The following MYRIP variants were observed in gnomAD, a reference collection of about 807,000 sequenced individuals.
The protein encoded by MYRIP is myosin VIIA and Rab interacting protein.
MYRIP carries 49 observed loss-of-function variants against 98.0 expected under a neutral mutation model. The observed-to-expected ratio is 0.50, with a 90% CI of 0.40 to 0.63. MYRIP has a LOEUF of 0.63. MYRIP is among the 30% of genes least tolerant of loss of function. The pLI is 0.00. For synonymous variants in MYRIP, 404 were observed against 409.5 expected (o/e 0.99, Z 0.16); for missense variants, 1,004 against 1,058.2 (o/e 0.95, Z 0.71).
intron 3 of MYRIP, among the ~76,000 whole-genome samples, chr3:40,076,079 C>T (rs1948337501): frequency 6.6e-6 from 1 of 152,078 alleles, no homozygotes; most frequent in Non-Finnish European, 1.5e-5. Context: ...GTGGTGCATG[C>T]CTGTAGTCCC....
At chr3:40,136,833 A>G (rs1949786664) in intron 3 of MYRIP, among the ~76,000 whole-genome samples, 1 of 152,224 alleles carries the variant, frequency 6.6e-6, no homozygotes, top group Admixed American at 6.5e-5. Context: ...CTTTGAAACC[A>G]ACAAGAACAA....
intron 3 of MYRIP, among the ~76,000 whole-genome samples, chr3:40,126,109 C>T (rs1286356644): frequency 6.6e-6 from 1 of 152,210 alleles, no homozygotes; most frequent in Non-Finnish European, 1.5e-5. Context: ...ACTACCTTCT[C>T]ATGGGCTCTT....
chr3:40,163,208 T>C (rs1575588567), intron 5 of MYRIP, among the ~76,000 whole-genome samples: 1 of 152,354 alleles, frequency 6.6e-6, no homozygotes, highest in South Asian at 2.1e-4. Flanking sequence ...GAGCAGTGGT[T>C]AAAAGCAAAA....
intron 8 of MYRIP, among the ~76,000 whole-genome samples, chr3:40,179,833 C>T (rs1186040787): frequency 2.0e-5 from 3 of 152,186 alleles, no homozygotes; most frequent in Non-Finnish European, 4.4e-5. Context: ...GGAGGAGCAA[C>T]CTAGCCAATC....
chr3:40,118,468 G>T (rs751587118), intron 3 of MYRIP, among the ~76,000 whole-genome samples: 29 of 152,042 alleles, frequency 1.9e-4, no homozygotes, highest in Non-Finnish European at 3.1e-4. Context: ...TAGGGCACAG[G>T]TTAAATTAAT....
chr3:39,938,444 A>G (rs762300852), intron 2 of MYRIP, among the ~76,000 whole-genome samples: 1 of 152,068 alleles, frequency 6.6e-6, no homozygotes, highest in Non-Finnish European at 1.5e-5. Flanking sequence ...TGAGCATTCT[A>G]TATTCTTATG....
chr3:40,209,936 G>A lies in MYRIP; in HGVS notation c.1748G>A (p.Arg583Gln), dbSNP rs1003941830. 8.7e-6 allele frequency: 14 copies of A among 1,613,904 alleles called. No homozygotes were observed. The highest frequency in any genetic ancestry group is 1.6e-4 in the Middle Eastern group (1 of 6,082). ...CTCACAGACACCACAGAGGAGAAAC[G>A]GAGAAACAGGCTGTACGAGTTAGCA... Reference protein sequence around the residue: ...QTLTDTTEEKRRNRLYELAMK... With the variant: ...QTLTDTTEEKQRNRLYELAMK... The change falls in exon 11 of 17, where the codon CGG becomes CAG. Residue 583 changes from arginine (R) to glutamine (Q), a missense_variant. Transcript: ENST00000302541.
intron 1 of MYRIP, among the ~76,000 whole-genome samples, chr3:39,857,378 C>T (rs907094889): frequency 9.9e-5 from 15 of 151,946 alleles, no homozygotes; most frequent in African/African-American, 2.7e-4. Context: ...ATTAAGAAAA[C>T]AATACATGAA....
chr3:40,184,717 T>C (rs1010409979), intron 9 of MYRIP, among the ~76,000 whole-genome samples: 4 of 152,220 alleles, frequency 2.6e-5, no homozygotes, highest in African/African-American at 9.6e-5. Context: ...ATTATGAGCA[T>C]TCATAATAAA....
intron 3 of MYRIP, among the ~76,000 whole-genome samples, chr3:40,085,294 T>C (rs961941698): frequency 1.3e-5 from 2 of 152,128 alleles, no homozygotes; most frequent in Non-Finnish European, 2.9e-5. Flanking sequence ...TATATTTCGT[T>C]TTCTTTTTTT....
chr3:40,162,845 G>A (rs1362726879), intron 5 of MYRIP, 35 bp downstream of exon 5: 3 of 1,592,164 alleles, frequency 1.9e-6, no homozygotes, highest in Non-Finnish European at 8.6e-7. Flanking sequence ...CTACTGGGAA[G>A]TTGGAGTAAT....
chr3:39,924,775 A>T (rs1944380991), intron 2 of MYRIP, among the ~76,000 whole-genome samples: 1 of 152,102 alleles, frequency 6.6e-6, no homozygotes, highest in Non-Finnish European at 1.5e-5. Context: ...TGTTCTCTAC[A>T]ATATAATCAA....
chr3:39,889,996 T>A (rs909009120), intron 1 of MYRIP, among the ~76,000 whole-genome samples: 10 of 152,130 alleles, frequency 6.6e-5, no homozygotes, highest in Admixed American at 2.0e-4. Context: ...AAATTTTTTT[T>A]AAAAATCAGT....
At chr3:40,078,782 T>C (rs1004428431) in intron 3 of MYRIP, among the ~76,000 whole-genome samples, 8 of 152,294 alleles carry the variant, frequency 5.3e-5, no homozygotes, top group East Asian at 1.9e-4. Flanking sequence ...CTGCCAAGAA[T>C]TGGCTTGTGC....
At chr3:40,045,345 A>C (rs1947648582) in intron 3 of MYRIP, among the ~76,000 whole-genome samples, 1 of 152,138 alleles carries the variant, frequency 6.6e-6, no homozygotes. Context: ...GTGGTATGTT[A>C]AGCACCCAGT....
intron 10 of MYRIP, among the ~76,000 whole-genome samples, chr3:40,205,375 C>G (rs1951764180): frequency 6.6e-6 from 1 of 152,120 alleles, no homozygotes; most frequent in South Asian, 2.1e-4. Flanking sequence ...TTCACCTTCC[C>G]TGGCGTAAAA....
At chr3:39,852,757 G>C (rs1203612952) in intron 1 of MYRIP, among the ~76,000 whole-genome samples, 2 of 150,636 alleles carry the variant, frequency 1.3e-5, no homozygotes, top group Admixed American at 6.6e-5. Context: ...CTTCTCTTCT[G>C]TTCTCCTCTT....
chr3:40,198,018 G>A (rs1449046593), intron 10 of MYRIP, among the ~76,000 whole-genome samples: 1 of 152,062 alleles, frequency 6.6e-6, no homozygotes, highest in Non-Finnish European at 1.5e-5. Flanking sequence ...TGAATACAGA[G>A]ATAATGAATG....
intron 3 of MYRIP, among the ~76,000 whole-genome samples, chr3:40,127,238 A>G (rs981285936): frequency 1.3e-5 from 2 of 152,212 alleles, no homozygotes; most frequent in Non-Finnish European, 2.9e-5. Context: ...TCTATAGTAG[A>G]CGCTTAAGCA....
Sources: allele counts gnomAD v4.1 joint callset (sites outside exome capture counted in the v4.1 genomes callset), GRCh38; gene constraint gnomAD v4.1.1; transcripts MANE v1.5; gene names NCBI Gene and HGNC (gene_info 2026-07-23, HGNC 2026-07-21).